Variants in SDK2 observed in about 807,000 individuals in gnomAD.
SDK2 encodes the protein sidekick cell adhesion molecule 2.
In SDK2, 105 loss-of-function variants were observed where a neutral mutation model predicts 253.9. That is an observed-to-expected ratio of 0.41 (90% CI 0.35 to 0.49). The LOEUF (loss-of-function observed/expected upper bound fraction) is 0.49, where lower values mean the gene tolerates loss of function less well. Among genes scored for constraint, SDK2 ranks in the 20% least tolerant of loss-of-function variants. SDK2 has a pLI of 0.06. For missense variants in SDK2, 2,608 were observed against 3,003.0 expected (o/e 0.87, Z 3.07); for synonymous variants, 1,249 against 1,234.9 (o/e 1.01, Z -0.24).
chr17:73,466,803 C>T (rs1264870129), intron 3 of SDK2, among the ~76,000 whole-genome samples: 1 of 145,352 alleles, frequency 6.9e-6, no homozygotes, highest in Non-Finnish European at 1.5e-5. Context: ...CCCCATGGGT[C>T]ATGACCCTGA....
At chr17:73,584,717 T>C (rs1000770790) in intron 1 of SDK2, among the ~76,000 whole-genome samples, 7 of 152,122 alleles carry the variant, frequency 4.6e-5, no homozygotes, top group Non-Finnish European at 1.0e-4. Context: ...TGAGCCTGAG[T>C]TTCCTCAACT....
intron 1 of SDK2, among the ~76,000 whole-genome samples, chr17:73,575,065 G>T (rs1342464267): frequency 6.6e-6 from 1 of 152,208 alleles, no homozygotes; most frequent in African/African-American, 2.4e-5. Flanking sequence ...GTTAGTGGGA[G>T]GCTGGGCTCT....
intron 2 of SDK2, among the ~76,000 whole-genome samples, chr17:73,473,268 A>C (rs909058770): frequency 6.6e-6 from 1 of 152,190 alleles, no homozygotes; most frequent in Admixed American, 6.5e-5. Context: ...CACCTAGCTG[A>C]GAGGCAAGGA....
intron 18 of SDK2, among the ~76,000 whole-genome samples, chr17:73,402,503 A>G (rs1404781315): frequency 1.3e-5 from 2 of 152,240 alleles, no homozygotes; most frequent in African/African-American, 2.4e-5. Context: ...AAAAACGACT[A>G]AGAATTTTAA....
intron 40 of SDK2, among the ~76,000 whole-genome samples, chr17:73,355,184 T>TTTTTTTTTTTTTTTTTC (rs1568363079): frequency 4.0e-4 from 18 of 44,764 alleles, no homozygotes; most frequent in African/African-American, 3.4e-3. Flanking sequence ...ATTTTTTTTT[T>TTTTTTTTTTTTTTTTTC]TTTTTTTTTT....
At chr17:73,462,699 G>A (rs915518968) in intron 3 of SDK2, among the ~76,000 whole-genome samples, 8 of 152,210 alleles carry the variant, frequency 5.3e-5, no homozygotes, top group African/African-American at 1.4e-4. Context: ...ATGCATACAC[G>A]TAAGTTTATA....
At chr17:73,445,361 G>T (rs2063445894) in intron 5 of SDK2, among the ~76,000 whole-genome samples, 1 of 152,210 alleles carries the variant, frequency 6.6e-6, no homozygotes, top group South Asian at 2.1e-4. Flanking sequence ...TTCGCATGTG[G>T]TTCACATTCT....
intron 1 of SDK2, among the ~76,000 whole-genome samples, chr17:73,544,216 G>C (rs1243786388): frequency 2.0e-5 from 3 of 152,196 alleles, no homozygotes; most frequent in Non-Finnish European, 1.5e-5. Flanking sequence ...TGTGAAGCTG[G>C]CCTGGCCCTG....
intron 1 of SDK2, among the ~76,000 whole-genome samples, chr17:73,628,576 T>C (rs73996609): frequency 0.1 from 15,602 of 152,086 alleles, 961 homozygotes; most frequent in African/African-American, 0.17. Context: ...GGGCCTTGAG[T>C]GTCTGGGGCT....
In SDK2 at chr17:73,379,597, T is replaced by C. The variant is rs1477531908; in HGVS notation, c.4763-48A>G. 8.3e-7 allele frequency: 1 copy of C among 1,205,228 alleles called. No homozygotes were observed. Among genetic ancestry groups the C allele is most frequent in the Admixed American group, 1.9e-5 (1 of 52,150 alleles). 74.7% of individuals were successfully genotyped at this position (1,205,228 alleles called of 1,614,324 possible). The stretch of plus-strand genomic sequence containing the variant: ...GGAAGCACACTGAGGTCACCGTCAT[T>C]GCTGGGAAGGTGTCCCCAGGGAGGG... On this transcript the variant is annotated intron_variant, in intron 34 of 44. Transcript: ENST00000392650. This position sits in a 1 kb window ranked among gnomAD's most constrained non-coding sequence, Gnocchi z 4.5.
In SDK2 at chr17:73,354,378, G is replaced by A. The variant is rs117253114; in HGVS notation, c.5594-1741C>T. Among the ~76,000 whole-genome samples the A allele has an allele frequency of 4.1e-3, 631 of 152,286 alleles. 5 individuals carry two copies. The highest frequency in any genetic ancestry group is 5.4e-3 in the Non-Finnish European group (370 of 68,032). On this transcript the variant is annotated intron_variant, in intron 40 of 44. Coordinates refer to ENST00000392650, the MANE Select transcript of SDK2 (RefSeq NM_001144952.2). Reference sequence around the variant, plus strand: ...CTTCATGCTGTTCAGTCAGAGCGGTGCGGGTGCTGCCTGGGTCAGGGACGA... The same window carrying A: ...CTTCATGCTGTTCAGTCAGAGCGGTACGGGTGCTGCCTGGGTCAGGGACGA...
chr17:73,350,426 C>T, intron 42 of SDK2, 51 bp from the exon 43 acceptor site: 2 of 1,576,012 alleles, frequency 1.3e-6, no homozygotes, highest in Non-Finnish European at 8.6e-7. Flanking sequence ...CCTCCCCTCT[C>T]CCATACCACT....
rs184588677 is a variant in SDK2 at position 73,459,673 on chromosome 17, A to G, written c.332-3620T>C. On this transcript the variant is annotated intron_variant, in intron 3 of 44. Transcript: ENST00000392650. ...TCCTAGTTCTGTCGTTCCATTACTC[A>G]TTAGCCATGATGCTGGGTAGATTTC... 4.3e-4 allele frequency among the ~76,000 whole-genome samples: 65 copies of G among 151,690 alleles called. 1 individual carries two copies. The highest frequency in any genetic ancestry group is 1.5e-3 in the African/African-American group (60 of 41,374).
intron 2 of SDK2, among the ~76,000 whole-genome samples, chr17:73,494,434 C>T (rs533344713): frequency 2.0e-5 from 3 of 152,270 alleles, no homozygotes; most frequent in African/African-American, 4.8e-5. Context: ...CCACACCCAT[C>T]GTCCATCTCC....
rs2046409568 is a variant in SDK2, at chr17:73,642,378, C to T, written c.64+1647G>A. Among the ~76,000 whole-genome samples the T allele has an allele frequency of 1.3e-5, 2 of 152,198 alleles. No homozygotes were observed. Among genetic ancestry groups the T allele is most frequent in the Admixed American group, 6.5e-5 (1 of 15,284 alleles). On this transcript the variant is annotated intron_variant, in intron 1 of 44. Coordinates refer to ENST00000392650, the MANE Select transcript of SDK2 (RefSeq NM_001144952.2). This position sits in a 1 kb window ranked among gnomAD's most constrained non-coding sequence, Gnocchi z 4.7. ...AAGGGTCCAGACAGATGCTGGCATC[C>T]CGTCCCTCCACGCCGTCCAGGCTTT...
chr17:73,493,141 G>A (rs1401874466), intron 2 of SDK2, among the ~76,000 whole-genome samples: 1 of 149,136 alleles, frequency 6.7e-6, no homozygotes, highest in African/African-American at 2.4e-5. Context: ...CCCTCCCCAA[G>A]GACTGTGGGC....
chr17:73,375,054 C>CT (rs2062766169), intron 36 of SDK2, among the ~76,000 whole-genome samples: 1 of 151,972 alleles, frequency 6.6e-6, no homozygotes, highest in Non-Finnish European at 1.5e-5. Context: ...TCTCCCATTG[C>CT]GCTCCCTGGA....
chr17:73,644,203 G>C lies in SDK2; in HGVS notation c.-115C>G, dbSNP rs527869270. ...TCCCAGGAAACAGTCAGTCTACGCG[G>C]CTCCGTGCCCCGGGGTGTAATATGC... is the stretch of plus-strand genomic sequence containing the variant. On this transcript the variant is annotated 5_prime_UTR_variant, in exon 1 of 45. Coordinates refer to ENST00000392650, the MANE Select transcript of SDK2 (RefSeq NM_001144952.2). This position sits in a 1 kb window ranked among gnomAD's most constrained non-coding sequence, Gnocchi z 6.3. 679 of 843,990 alleles carry C rather than the reference G, an allele frequency of 8.0e-4. 1 individual carries two copies. The highest frequency in any genetic ancestry group is 1.1e-3 in the Non-Finnish European group (566 of 523,820). 52.3% of individuals were successfully genotyped at this position (843,990 alleles called of 1,614,324 possible).
intron 2 of SDK2, among the ~76,000 whole-genome samples, chr17:73,478,946 C>T (rs139660650): frequency 1.9e-4 from 29 of 152,330 alleles, no homozygotes; most frequent in East Asian, 3.9e-4. Context: ...TGCACATACA[C>T]GGAGCACACT....
Sources: gnomAD v4.1 joint callset for allele counts (sites outside exome capture counted in the v4.1 genomes callset) on GRCh38, gnomAD v4.1.1 for gene constraint, Gnocchi (gnomAD v3.1) non-coding constraint, MANE v1.5 for transcripts, NCBI Gene and HGNC (gene_info 2026-07-23, HGNC 2026-07-21) for gene names.